PCDH15: variants seen among roughly 807,000 people sequenced by gnomAD.
PCDH15 encodes the protein protocadherin related 15.
In PCDH15, 129 loss-of-function variants were observed where a neutral mutation model predicts 178.5. That is an observed-to-expected ratio of 0.72 (90% confidence interval 0.63 to 0.84). The LOEUF is 0.84. PCDH15 is among the 40% of genes least tolerant of loss of function. The pLI is 0.00. For missense variants in PCDH15, 2,230 were observed against 2,099.9 expected (o/e 1.06, Z -1.21); for synonymous variants, 800 against 732.0 (o/e 1.09, Z -1.50).
intron 11 of PCDH15, among the ~76,000 whole-genome samples, chr10:54,191,761 A>G (rs1283881156): frequency 2.0e-5 from 3 of 150,926 alleles, no homozygotes; most frequent in African/African-American, 7.3e-5. Flanking sequence ...CAAAAAAAAA[A>G]AAAAAAAAAA....
intron 2 of PCDH15, chr10:54,607,882 T>C: frequency 1.9e-6 from 1 of 526,876 alleles, no homozygotes; most frequent in Non-Finnish European, 3.9e-6. Context: ...GGCTATTAGG[T>C]TGGTCCAAAA....
At chr10:55,121,681 G>A (rs993700404) in intron 2 of PCDH15, among the ~76,000 whole-genome samples, 4 of 152,056 alleles carry the variant, frequency 2.6e-5, no homozygotes, top group Non-Finnish European at 5.9e-5. Flanking sequence ...TGGGATTATT[G>A]CCTTATAAAA....
chr10:55,211,749 A>C (rs1840577742), intron 1 of PCDH15, among the ~76,000 whole-genome samples: 1 of 152,152 alleles, frequency 6.6e-6, no homozygotes, highest in African/African-American at 2.4e-5. Context: ...AAATTGACTT[A>C]AAGTGAACAA....
At chr10:55,192,222 T>C (rs1319529230) in intron 1 of PCDH15, among the ~76,000 whole-genome samples, 2 of 151,800 alleles carry the variant, frequency 1.3e-5, no homozygotes, top group African/African-American at 2.4e-5. Context: ...ATTTGTAAAT[T>C]TTATTTCCTC....
intron 28 of PCDH15, among the ~76,000 whole-genome samples, chr10:53,855,920 A>ATATATATATATATATATATGTG (rs1201156130): frequency 7.1e-6 from 1 of 140,380 alleles, no homozygotes; most frequent in African/African-American, 2.6e-5. Context: ...ATATATATAT[A>ATATATATATATATATATATGTG]TGTATGTGTG....
At chr10:54,967,017 G>A (rs773347768) in intron 2 of PCDH15, among the ~76,000 whole-genome samples, 7 of 152,112 alleles carry the variant, frequency 4.6e-5, no homozygotes, top group Non-Finnish European at 1.0e-4. Context: ...TACCATGAGT[G>A]CAGGCTGCAG....
At chr10:55,471,271 GT>G (rs1175672477) in intron 2 of PCDH15, among the ~76,000 whole-genome samples, 1 of 152,098 alleles carries the variant, frequency 6.6e-6, no homozygotes, top group Non-Finnish European at 1.5e-5. Context: ...GAGTATAAAA[GT>G]TGTGCTCTTT....
At chr10:55,500,082 A>G (rs1840621657) in intron 2 of PCDH15, among the ~76,000 whole-genome samples, 1 of 151,808 alleles carries the variant, frequency 6.6e-6, no homozygotes, top group Admixed American at 6.6e-5. Context: ...TAATAGTCAG[A>G]AAAGAAATTG....
intron 21 of PCDH15, among the ~76,000 whole-genome samples, chr10:53,985,511 A>T (rs1339301437): frequency 6.6e-6 from 1 of 152,170 alleles, no homozygotes; most frequent in African/African-American, 2.4e-5. Flanking sequence ...GCTCTCCATT[A>T]CCATGGTGAG....
intron 2 of PCDH15, among the ~76,000 whole-genome samples, chr10:55,535,778 G>A (rs981810541): frequency 2.0e-5 from 3 of 152,038 alleles, no homozygotes; most frequent in Admixed American, 2.0e-4. Context: ...TAAAAGTTTG[G>A]ATAATCTTTC....
Position 54,466,579 on chromosome 10 carries a change from G to A in PCDH15, c.157+61233C>T, listed in dbSNP as rs537720475. 7.2e-5 allele frequency among the ~76,000 whole-genome samples: 11 copies of A among 152,000 alleles called. No homozygotes were observed. In the South Asian group the frequency reaches 2.3e-3, roughly 32 times the overall value. On this transcript the variant is annotated intron_variant, in intron 3 of 37. Transcript: ENST00000644397. Reference sequence around the variant, plus strand: ...ACATTATGCTGTTTTGGTTGCTATAGCCTTGTAATATCTTTTGAAGTCATG... The same window carrying A: ...ACATTATGCTGTTTTGGTTGCTATAACCTTGTAATATCTTTTGAAGTCATG...
Position 54,016,977 on chromosome 10 carries a change from A to G in PCDH15, c.2751+3215T>C, listed in dbSNP as rs935130554. ...CTAAACCTTTTGAATTAAAATAATA[A>G]TATGTTTTCAGTTACAAGAGACAAC... On this transcript the variant is annotated intron_variant, in intron 20 of 37. Transcript: ENST00000644397. Among the ~76,000 whole-genome samples the G allele has an allele frequency of 2.0e-5, 3 of 152,302 alleles. No homozygotes were observed. The East Asian group carries it at 5.8e-4, about 29-fold the overall frequency.
intron 2 of PCDH15, among the ~76,000 whole-genome samples, chr10:55,419,515 T>A (rs1838567761): frequency 6.6e-6 from 1 of 151,796 alleles, no homozygotes; most frequent in Non-Finnish European, 1.5e-5. Flanking sequence ...ACTGACTCAA[T>A]GGAGAAAGAA....
At chr10:55,463,878 AGAGAAAGAGAGG>A (rs1839734719) in intron 2 of PCDH15, among the ~76,000 whole-genome samples, 1 of 101,680 alleles carries the variant, frequency 9.8e-6, no homozygotes, top group Non-Finnish European at 2.0e-5. Flanking sequence ...AGAAAGAGAG[AGAGAAAGAGAGG>A]GAGAGAGAGA....
At chr10:55,453,868 T>G (rs1839489224) in intron 2 of PCDH15, among the ~76,000 whole-genome samples, 1 of 152,178 alleles carries the variant, frequency 6.6e-6, no homozygotes, top group Admixed American at 6.5e-5. Flanking sequence ...GATATCTCAT[T>G]TAGCTTCTGC....
intron 2 of PCDH15, among the ~76,000 whole-genome samples, chr10:55,014,504 C>T (rs1034944771): frequency 4.2e-4 from 22 of 52,734 alleles, no homozygotes; most frequent in African/African-American, 2.1e-3. Context: ...TGCTGCTCTT[C>T]AATAAAATAT....
intron 1 of PCDH15, among the ~76,000 whole-genome samples, chr10:54,670,216 T>C (rs568961203): frequency 6.6e-6 from 1 of 152,290 alleles, no homozygotes; most frequent in East Asian, 1.9e-4. Flanking sequence ...TTCAATCATT[T>C]ACAAGGTCTT....
intron 2 of PCDH15, among the ~76,000 whole-genome samples, chr10:54,643,543 A>G (rs1161509372): frequency 6.6e-6 from 1 of 152,092 alleles, no homozygotes; most frequent in Non-Finnish European, 1.5e-5. Context: ...CCCAGGATAG[A>G]TTATCATTTT....
chr10:54,673,211 T>A (rs1313072205), intron 1 of PCDH15, among the ~76,000 whole-genome samples: 7 of 152,010 alleles, frequency 4.6e-5, no homozygotes, highest in Non-Finnish European at 1.0e-4. Flanking sequence ...CCTAATGCTA[T>A]CCCTCCCCTA....
Sources: allele counts gnomAD v4.1 joint callset (sites outside exome capture counted in the v4.1 genomes callset), GRCh38; gene constraint gnomAD v4.1.1; transcripts MANE v1.5; gene names NCBI Gene and HGNC (gene_info 2026-07-23, HGNC 2026-07-21).